The following PARD3 variants were observed in gnomAD, a reference collection of about 807,000 sequenced individuals.
PARD3 encodes the protein partitioning defective 3 homolog.
In PARD3, 75 loss-of-function variants were observed where a neutral mutation model predicts 155.4. The observed-to-expected ratio is 0.48, with a 90% CI of 0.40 to 0.58. The LOEUF (loss-of-function observed/expected upper bound fraction) is 0.58, where lower values mean the gene tolerates loss of function less well. Among genes scored for constraint, PARD3 ranks in the 20% least tolerant of loss-of-function variants. PARD3 has a pLI of 0.00. For synonymous variants in PARD3, 576 were observed against 610.5 expected (o/e 0.94, Z 0.83); for missense variants, 1,642 against 1,721.7 (o/e 0.95, Z 0.82).
chr10:34,803,221 A>G (rs1289951014), intron 1 of PARD3, among the ~76,000 whole-genome samples: 3 of 144,312 alleles, frequency 2.1e-5, no homozygotes, highest in African/African-American at 8.5e-5. Flanking sequence ...CCTGGGCAAC[A>G]GAGTGAGACT....
chr10:34,348,006 T>C lies in PARD3; in HGVS notation c.2177A>G (p.Asp726Gly), dbSNP rs755064512. Residue 726 changes from aspartate (D) to glycine (G), a missense_variant, in exon 15 of 25, where the codon GAT (aspartate) becomes GGT (glycine). Physicochemically the swap from Asp to Gly is moderately conservative, Grantham distance 94. Transcript: ENST00000374788. Reference protein sequence around the residue: ...HSLYSGIEGLDESPSRNAALS... With the variant: ...HSLYSGIEGLGESPSRNAALS... ...GGCAGCATTTCTGCTGGGCGATTCATCAAGCCCCTCAATCCCACTGTAGAG... is the reference window on the plus strand; with the variant it reads ...GGCAGCATTTCTGCTGGGCGATTCACCAAGCCCCTCAATCCCACTGTAGAG... 3.7e-6 allele frequency: 6 copies of C among 1,613,484 alleles called. No individual in the cohort carries two copies. Among genetic ancestry groups the C allele is most frequent in the Non-Finnish European group, 5.1e-6 (6 of 1,179,758 alleles).
intron 22 of PARD3, among the ~76,000 whole-genome samples, chr10:34,261,438 C>T (rs1356060560): frequency 6.6e-6 from 1 of 152,126 alleles, no homozygotes; most frequent in Non-Finnish European, 1.5e-5. Context: ...CCTGTAATCC[C>T]AGCACTTTGG....
chr10:34,492,632 G>A (rs547028657), intron 3 of PARD3, among the ~76,000 whole-genome samples: 14 of 152,130 alleles, frequency 9.2e-5, no homozygotes, highest in Non-Finnish European at 2.1e-4. Context: ...CTATTAAAAT[G>A]TCTAAATTTT....
At chr10:34,391,143 C>T (rs1312927535) in intron 7 of PARD3, among the ~76,000 whole-genome samples, 1 of 152,140 alleles carries the variant, frequency 6.6e-6, no homozygotes, top group African/African-American at 2.4e-5. Flanking sequence ...CCACTTAACC[C>T]ACCCAAACAT....
At chr10:34,246,324 A>C (rs941646651) in intron 22 of PARD3, among the ~76,000 whole-genome samples, 7 of 152,250 alleles carry the variant, frequency 4.6e-5, no homozygotes, top group Admixed American at 6.5e-5. Context: ...AAACTAGTCA[A>C]AAATAGGAAA....
intron 1 of PARD3, among the ~76,000 whole-genome samples, chr10:34,773,092 C>A (rs567649640): frequency 3.1e-4 from 47 of 152,308 alleles, no homozygotes; most frequent in Admixed American, 1.2e-3. Context: ...CCCAGCATCT[C>A]ATTTTCATCC....
chr10:34,412,167 T>C (rs1271936172), intron 5 of PARD3, among the ~76,000 whole-genome samples: 1 of 152,074 alleles, frequency 6.6e-6, no homozygotes, highest in African/African-American at 2.4e-5. Flanking sequence ...CTCAGTATGC[T>C]GCCCATTTTG....
rs911606730 is a variant in PARD3, at chr10:34,472,543, G to A, written c.404-2280C>T. Among the ~76,000 whole-genome samples, 8 of 152,234 alleles carry A rather than the reference G, an allele frequency of 5.3e-5. No individual in the cohort carries two copies. In the East Asian group the frequency reaches 1.5e-3, roughly 29 times the overall value. On this transcript the variant is annotated intron_variant, in intron 3 of 24. Coordinates refer to ENST00000374788, the MANE Select transcript of PARD3 (RefSeq NM_001184785.2). ...AAAACTCTAAAAACTTTTAGACAATGTTATTACTTAGACACAGATTCTGTT... is the reference window on the plus strand; with the variant it reads ...AAAACTCTAAAAACTTTTAGACAATATTATTACTTAGACACAGATTCTGTT...
At chr10:34,200,280 G>A (rs961157483) in intron 22 of PARD3, among the ~76,000 whole-genome samples, 29 of 152,104 alleles carry the variant, frequency 1.9e-4, no homozygotes, top group African/African-American at 5.3e-4. Context: ...GGCAGTTAGA[G>A]CAAGACCCGA....
intron 14 of PARD3, among the ~76,000 whole-genome samples, chr10:34,351,175 G>A (rs2134402010): frequency 6.6e-6 from 1 of 152,232 alleles, no homozygotes; most frequent in Non-Finnish European, 1.5e-5. Flanking sequence ...TATTGGAATG[G>A]CCTTAAACCC....
chr10:34,427,089 G>A (rs903967968), intron 5 of PARD3, among the ~76,000 whole-genome samples: 8 of 152,112 alleles, frequency 5.3e-5, no homozygotes, highest in Admixed American at 3.3e-4. Flanking sequence ...TGATGATTGC[G>A]TTAACTGCAC....
At chr10:34,118,599 G>A (rs1242978574) in intron 24 of PARD3, among the ~76,000 whole-genome samples, 1 of 152,152 alleles carries the variant, frequency 6.6e-6, no homozygotes, top group Non-Finnish European at 1.5e-5. Context: ...GCCTGCCTCA[G>A]CCTCCCAAAG....
chr10:34,168,924 G>A (rs1949661218), intron 22 of PARD3, among the ~76,000 whole-genome samples: 1 of 152,174 alleles, frequency 6.6e-6, no homozygotes, highest in South Asian at 2.1e-4. Flanking sequence ...TTTCTATACT[G>A]GATTGCACCA....
At chr10:34,585,953 C>T (rs2087994004) in intron 2 of PARD3, among the ~76,000 whole-genome samples, 1 of 152,108 alleles carries the variant, frequency 6.6e-6, no homozygotes. Context: ...CATGTGAATG[C>T]TCCACTTATT....
At position 34,563,129 on chromosome 10, in the gene PARD3, T is replaced by C. The variant is rs968981446; in HGVS notation, c.223-45970A>G. Among the ~76,000 whole-genome samples, 5 of 152,336 alleles carry C rather than the reference T, an allele frequency of 3.3e-5. 1 individual carries two copies. The highest frequency in any genetic ancestry group is 3.3e-4 in the Admixed American group (5 of 15,302). ...TCTAATTCCATGAATATCAGTTAACTCTATACTAACCATAACACTACAATC... is the reference window on the plus strand; with the variant it reads ...TCTAATTCCATGAATATCAGTTAACCCTATACTAACCATAACACTACAATC... On this transcript the variant is annotated intron_variant, in intron 2 of 24. Coordinates refer to ENST00000374788, the MANE Select transcript of PARD3 (RefSeq NM_001184785.2).
At position 34,399,336 on chromosome 10, in the gene PARD3, C is replaced by T. The variant is rs770590144; in HGVS notation, c.884G>A (p.Gly295Asp). The T allele has an allele frequency of 6.9e-6, 11 of 1,600,922 alleles. No individual in the cohort carries two copies. Among genetic ancestry groups the T allele is most frequent in the Non-Finnish European group, 9.4e-6 (11 of 1,168,020 alleles). ...AACCTCCAAGATACGTTACCTGCCG[C>T]CTCGAGCACTGAAAGGCACTACGTG... is the stretch of plus-strand genomic sequence containing the variant. The part of the protein sequence containing the change: ...GIHVVPFSAR[G>D]GRTLGLLVKR... Residue 295 changes from glycine (G) to aspartate (D), a missense_variant, in exon 7 of 25, where the codon GGC (glycine) becomes GAC (aspartate). Physicochemically the swap from Gly to Asp is moderately conservative, Grantham distance 94 (BLOSUM62 -1). Transcript: ENST00000374788.
intron 3 of PARD3, among the ~76,000 whole-genome samples, chr10:34,487,369 G>A (rs896834417): frequency 6.6e-6 from 1 of 151,892 alleles, no homozygotes; most frequent in East Asian, 1.9e-4. Flanking sequence ...AAAGGACACC[G>A]AGAAAATGTT....
intron 2 of PARD3, among the ~76,000 whole-genome samples, chr10:34,652,706 G>A (rs1335927019): frequency 2.0e-5 from 3 of 152,152 alleles, no homozygotes; most frequent in African/African-American, 7.2e-5. Flanking sequence ...GTGTGCTGAG[G>A]ATTTCCCTAG....
At chr10:34,800,966 ACT>A (rs1564632734) in intron 1 of PARD3, among the ~76,000 whole-genome samples, 1 of 152,074 alleles carries the variant, frequency 6.6e-6, no homozygotes, top group Non-Finnish European at 1.5e-5. Context: ...CAGGGCCAAA[ACT>A]CTTCTGCCTC....
Sources: allele counts gnomAD v4.1 joint callset (sites outside exome capture counted in the v4.1 genomes callset), GRCh38; gene constraint gnomAD v4.1.1; transcripts MANE v1.5; gene names NCBI Gene and HGNC (gene_info 2026-07-23, HGNC 2026-07-21).